Variants in MGAT4C observed in about 807,000 individuals in gnomAD.
MGAT4C encodes MGAT4 family member C, also known as alpha-1,3-mannosyl-glycoprotein 4-beta-N-acetylglucosaminyltransferase C.
In MGAT4C, 19 loss-of-function variants were observed where a neutral mutation model predicts 40.1. The ratio of observed to expected loss-of-function variants is 0.47; its 90% confidence interval spans 0.33 to 0.70. MGAT4C has a LOEUF of 0.70. Ranked by LOEUF, MGAT4C falls within the 30% of genes least tolerant of loss-of-function variation. MGAT4C has a pLI of 0.02. For synonymous variants in MGAT4C, 181 were observed against 187.1 expected (o/e 0.97, Z 0.27); for missense variants, 491 against 563.2 (o/e 0.87, Z 1.30).
intron 3 of MGAT4C, among the ~76,000 whole-genome samples, chr12:86,425,670 C>G (rs1033645717): frequency 2.6e-5 from 4 of 152,210 alleles, no homozygotes; most frequent in African/African-American, 9.6e-5. Flanking sequence ...AGGACATTCT[C>G]TAATGCCTTT....
At chr12:86,426,236 T>C (rs1042208835) in intron 3 of MGAT4C, among the ~76,000 whole-genome samples, 1 of 152,140 alleles carries the variant, frequency 6.6e-6, no homozygotes, top group African/African-American at 2.4e-5. Flanking sequence ...GTCCTTAGAG[T>C]ACTGGTGTGT....
chr12:86,284,553 C>G (rs528519273), intron 4 of MGAT4C, among the ~76,000 whole-genome samples: 6 of 151,954 alleles, frequency 3.9e-5, no homozygotes, highest in African/African-American at 1.4e-4. Flanking sequence ...CCACCCTTAT[C>G]CCTTATGTTT....
intron 3 of MGAT4C, among the ~76,000 whole-genome samples, chr12:86,420,136 G>T (rs1956791876): frequency 6.6e-6 from 1 of 151,802 alleles, no homozygotes; most frequent in Non-Finnish European, 1.5e-5. Flanking sequence ...CCAGCACTTT[G>T]GGAGGGTGGG....
At chr12:86,395,824 T>G (rs1362605280) in intron 3 of MGAT4C, among the ~76,000 whole-genome samples, 1 of 152,144 alleles carries the variant, frequency 6.6e-6, no homozygotes, top group Non-Finnish European at 1.5e-5. Context: ...TGTATGGATG[T>G]AGGATGGGCT....
In MGAT4C at chr12:86,818,064, A is replaced by G. The variant is rs568022285; in HGVS notation, c.-262+20602T>C. Among the ~76,000 whole-genome samples the G allele has an allele frequency of 3.6e-4, 55 of 151,608 alleles. No individual in the cohort carries two copies. The South Asian group carries it at 4.3e-3, about 12-fold the overall frequency. ...TAACAGCAAAAGGTCTATTAAATAAATTAATGTAAAACTACTTTGACCAGA... is the reference window on the plus strand; with the variant it reads ...TAACAGCAAAAGGTCTATTAAATAAGTTAATGTAAAACTACTTTGACCAGA... On this transcript the variant is annotated intron_variant, in intron 1 of 7. Coordinates refer to the MGAT4C transcript ENST00000548651.
chr12:86,519,036 G>A (rs1306101101), intron 2 of MGAT4C, among the ~76,000 whole-genome samples: 1 of 152,154 alleles, frequency 6.6e-6, no homozygotes, highest in Non-Finnish European at 1.5e-5. Context: ...CTAGTCCTAA[G>A]TCTGAATGGA....
chr12:86,149,200 T>G (rs1189514516), intron 1 of MGAT4C, among the ~76,000 whole-genome samples: 1 of 152,142 alleles, frequency 6.6e-6, no homozygotes, highest in African/African-American at 2.4e-5. Context: ...CTTTTAAATT[T>G]TTTTCATACT....
intron 3 of MGAT4C, among the ~76,000 whole-genome samples, chr12:86,353,537 G>A (rs61950739): frequency 0.085 from 12,891 of 152,102 alleles, 761 homozygotes; most frequent in Middle Eastern, 0.22. Flanking sequence ...AACTGTGACC[G>A]CTATAGGACA....
At chr12:86,741,378 T>A (rs1951066675) in intron 1 of MGAT4C, among the ~76,000 whole-genome samples, 1 of 151,392 alleles carries the variant, frequency 6.6e-6, no homozygotes, top group African/African-American at 2.4e-5. Flanking sequence ...TATTTTTATA[T>A]GATCCTCTTT....
At chr12:86,459,673 C>A (rs1374376590) in intron 2 of MGAT4C, among the ~76,000 whole-genome samples, 3 of 132,834 alleles carry the variant, frequency 2.3e-5, no homozygotes, top group African/African-American at 5.7e-5. Context: ...TCCCCGCCCC[C>A]ACTCACCCAC....
At chr12:86,742,309 T>C (rs1294240124) in intron 1 of MGAT4C, among the ~76,000 whole-genome samples, 1 of 151,536 alleles carries the variant, frequency 6.6e-6, no homozygotes, top group Non-Finnish European at 1.5e-5. Flanking sequence ...AAGTGCTTGC[T>C]GCATGTTCAG....
chr12:85,979,559 T>TA lies in MGAT4C; in HGVS notation c.1166dup (p.Ile392AsnfsTer2), dbSNP rs1565804951. 1 of 1,608,422 alleles carries TA rather than the reference T, an allele frequency of 6.2e-7. No homozygotes were observed. ...TTCCAGTATTTACTTTAATTTTTTT[T>TA]ATTATAATTGGATTTTCAAATACAA... On this transcript the variant is annotated frameshift_variant, in exon 5 of 5. Coordinates refer to ENST00000611864, the MANE Select transcript of MGAT4C (RefSeq NM_001351288.2). LOFTEE classifies it high-confidence loss of function.
chr12:86,209,251 C>T (rs148841741), intron 1 of MGAT4C, among the ~76,000 whole-genome samples: 5 of 151,854 alleles, frequency 3.3e-5, no homozygotes, highest in African/African-American at 1.2e-4. Flanking sequence ...ATGGTATTTG[C>T]AAGAATTATA....
At chr12:86,828,796 G>A (rs562343683) in intron 1 of MGAT4C, among the ~76,000 whole-genome samples, 3 of 151,512 alleles carry the variant, frequency 2.0e-5, no homozygotes, top group South Asian at 2.1e-4. Flanking sequence ...TATGTGAAAC[G>A]TCCAAAAAAG....
intron 3 of MGAT4C, among the ~76,000 whole-genome samples, chr12:86,424,741 G>A (rs1956892869): frequency 6.6e-6 from 1 of 151,928 alleles, no homozygotes. Flanking sequence ...TCTAATAAAG[G>A]AGGTACTACT....
intron 1 of MGAT4C, among the ~76,000 whole-genome samples, chr12:86,812,628 A>G (rs139773704): frequency 2.1e-3 from 313 of 152,224 alleles, no homozygotes; most frequent in African/African-American, 7.3e-3. Context: ...AAAGTCACAC[A>G]TGCTTTTTTA....
intron 2 of MGAT4C, among the ~76,000 whole-genome samples, chr12:86,491,804 G>C (rs1174532844): frequency 6.6e-6 from 1 of 151,548 alleles, no homozygotes; most frequent in African/African-American, 2.4e-5. Context: ...AGGGCAATTA[G>C]GCAGGAGAAG....
rs1566119191 is a variant in MGAT4C at position 86,191,670 on chromosome 12, CA to C, written c.-57+64568del. ...ACACACACACACACACACACACACA[CA>C]CACCCTTATCTCCTGTAGCAAAATT... is the stretch of plus-strand genomic sequence containing the variant. On this transcript the variant is annotated intron_variant, in intron 1 of 4. Coordinates refer to ENST00000611864, the MANE Select transcript of MGAT4C (RefSeq NM_001351288.2). Among the ~76,000 whole-genome samples, 711 of 140,286 alleles carry C rather than the reference CA, an allele frequency of 5.1e-3. 2 individuals carry two copies. Among genetic ancestry groups the C allele is most frequent in the African/African-American group, 0.017 (599 of 34,786 alleles). 92.0% of individuals were successfully genotyped at this position (140,286 alleles called of 152,430 possible).
intron 1 of MGAT4C, among the ~76,000 whole-genome samples, chr12:86,064,348 C>T (rs952914125): frequency 6.6e-6 from 1 of 152,094 alleles, no homozygotes; most frequent in African/African-American, 2.4e-5. Context: ...CCACTGCACT[C>T]CAGCCTGGGC....
Sources: gnomAD v4.1 joint callset for allele counts (sites outside exome capture counted in the v4.1 genomes callset) on GRCh38, gnomAD v4.1.1 for gene constraint, MANE v1.5 for transcripts, NCBI Gene and HGNC (gene_info 2026-07-23, HGNC 2026-07-21) for gene names.